The following LRRC1 variants were observed in gnomAD, a reference collection of about 807,000 sequenced individuals.
LRRC1 encodes leucine-rich repeat-containing protein 1.
LRRC1 carries 28 observed loss-of-function variants against 69.9 expected under a neutral mutation model. That is an observed-to-expected ratio of 0.40 (90% CI 0.30 to 0.55). The LOEUF is 0.55. Among genes scored for constraint, LRRC1 ranks in the 20% least tolerant of loss-of-function variants. The pLI is 0.47. For synonymous variants in LRRC1, 236 were observed against 240.2 expected (o/e 0.98, Z 0.16); for missense variants, 498 against 609.0 (o/e 0.82, Z 1.92).
chr6:53,836,531 A>G (rs915737518), intron 1 of LRRC1, among the ~76,000 whole-genome samples: 1 of 152,124 alleles, frequency 6.6e-6, no homozygotes, highest in Non-Finnish European at 1.5e-5. Flanking sequence ...TCTAGATCTA[A>G]TGCCATTGCT....
rs1766801831 is a variant in LRRC1 at position 53,869,172 on chromosome 6, C to T, written c.278-9821C>T. On this transcript the variant is annotated intron_variant, in intron 2 of 13. Transcript: ENST00000370888. ...GAGAGACCATTTAAGAGGCTATTGT[C>T]ATCATCTGGTAGATTGAGGCCTGAA... is the stretch of plus-strand genomic sequence containing the variant. 1.3e-5 allele frequency among the ~76,000 whole-genome samples: 2 copies of T among 152,046 alleles called. 1 individual carries two copies. Among genetic ancestry groups the T allele is most frequent in the South Asian group, 4.1e-4 (2 of 4,832 alleles).
At chr6:53,892,843 T>G (rs1767747906) in intron 4 of LRRC1, among the ~76,000 whole-genome samples, 1 of 152,216 alleles carries the variant, frequency 6.6e-6, no homozygotes, top group Non-Finnish European at 1.5e-5. Flanking sequence ...AAACCCATAG[T>G]TTCATTCTAG....
Position 53,886,289 on chromosome 6 carries a change from A to ACAT in LRRC1, c.446+3316_446+3318dup, listed in dbSNP as rs201686129. Among the ~76,000 whole-genome samples the ACAT allele has an allele frequency of 4.6e-3, 694 of 152,324 alleles. 8 individuals carry two copies. The highest frequency in any genetic ancestry group is 0.041 in the East Asian group (213 of 5,178). Reference sequence around the variant, plus strand: ...CTGTGGCATATTTCTGATCAGAAAAACATCAAACTTCCAAGCAAAAACCCA... The same window carrying ACAT: ...CTGTGGCATATTTCTGATCAGAAAAACATCATCAAACTTCCAAGCAAAAACCCA... On this transcript the variant is annotated intron_variant, in intron 4 of 13. Coordinates refer to ENST00000370888, the MANE Select transcript of LRRC1 (RefSeq NM_018214.5).
At chr6:53,826,944 C>T (rs1008296426) in intron 1 of LRRC1, among the ~76,000 whole-genome samples, 1 of 152,094 alleles carries the variant, frequency 6.6e-6, no homozygotes, top group African/African-American at 2.4e-5. Flanking sequence ...GCCCAACTTG[C>T]ATAAGGTATA....
chr6:53,825,368 G>A lies in LRRC1; in HGVS notation c.160-16742G>A, dbSNP rs560354184. ...ACCTTAAAGATGTAATTGTGTAAGA[G>A]CCTGCTAATGTGGGCAGTGGTCAGT... On this transcript the variant is annotated intron_variant, in intron 1 of 13. Transcript: ENST00000370888. Among the ~76,000 whole-genome samples the A allele has an allele frequency of 1.4e-4, 21 of 152,292 alleles. No individual in the cohort carries two copies. In the South Asian group the frequency reaches 4.1e-3, roughly 30 times the overall value.
At chr6:53,871,366 T>A (rs1250854632) in intron 2 of LRRC1, among the ~76,000 whole-genome samples, 2 of 152,220 alleles carry the variant, frequency 1.3e-5, no homozygotes, top group Non-Finnish European at 2.9e-5. Flanking sequence ...GTGGTTTTGA[T>A]TTGCATTTCC....
At chr6:53,847,861 G>A (rs190631319) in intron 2 of LRRC1, among the ~76,000 whole-genome samples, 3 of 152,314 alleles carry the variant, frequency 2.0e-5, no homozygotes, top group Non-Finnish European at 2.9e-5. Flanking sequence ...GTGCCTAAAA[G>A]TCCTCCTACT....
intron 7 of LRRC1, among the ~76,000 whole-genome samples, chr6:53,897,915 C>T (rs1368876815): frequency 2.6e-5 from 4 of 152,172 alleles, no homozygotes; most frequent in Admixed American, 2.6e-4. Flanking sequence ...CTTCTGAGCA[C>T]ATAGTCATCT....
intron 10 of LRRC1, chr6:53,905,333 C>CAAAAAAAAAAAAAAAAA (rs748526111): frequency 1.4e-5 from 1 of 71,266 alleles, no homozygotes; most frequent in Non-Finnish European, 2.8e-5. Context: ...GACTCTATCT[C>CAAAAAAAAAAAAAAAAA]AAAAAAAAAA....
intron 1 of LRRC1, among the ~76,000 whole-genome samples, chr6:53,816,100 C>T (rs1004680739): frequency 4.6e-5 from 7 of 152,142 alleles, no homozygotes; most frequent in African/African-American, 1.7e-4. Context: ...TTGGCAAACG[C>T]ATGAAGGTGT....
At chr6:53,832,672 G>T (rs1030920755) in intron 1 of LRRC1, among the ~76,000 whole-genome samples, 18 of 152,026 alleles carry the variant, frequency 1.2e-4, no homozygotes, top group Middle Eastern at 6.8e-3. Context: ...TGATACATTT[G>T]GTTAAAATGT....
Position 53,919,493 on chromosome 6 carries a change from AAC to A in LRRC1, c.1107-3_1107-2del, listed in dbSNP as rs1554187414. On this transcript the variant is annotated splice_polypyrimidine_tract_variant and splice_region_variant and intron_variant, in intron 11 of 13. Transcript: ENST00000370888. ...CTCTTTTTTTAAAAAAAAAAAAAAAAACAGGTTGCTGCATCTACCTTTATCCC... is the reference window on the plus strand; with the variant it reads ...CTCTTTTTTTAAAAAAAAAAAAAAAAAGGTTGCTGCATCTACCTTTATCCC... 2.0e-6 allele frequency: 3 copies of A among 1,530,342 alleles called. No homozygotes were observed. Among genetic ancestry groups the A allele is most frequent in the East Asian group, 2.4e-5 (1 of 42,260 alleles). 94.8% of individuals were successfully genotyped at this position (1,530,342 alleles called of 1,614,324 possible). A position where few individuals can be genotyped will look rare whatever the true frequency, so the allele number is the denominator to read the frequency against.
Position 53,896,688 on chromosome 6 carries a change from TAAC to T in LRRC1, c.503+137_504-136del, listed in dbSNP as rs979984079. 6 of 1,008,178 alleles carry T rather than the reference TAAC, an allele frequency of 6.0e-6. No homozygotes were observed. In the African/African-American group the frequency reaches 8.1e-5, roughly 14 times the overall value. The allele number at this position is 1,008,178 out of a possible 1,614,324, so 62.5% of individuals were successfully genotyped here. A position where few individuals can be genotyped will look rare whatever the true frequency, so the allele number is the denominator to read the frequency against. ...TGGGGGATGCCAGCCGGCCTTTTCT[TAAC>T]AATCCTTCCTGTGCAATATTTTCTA... On this transcript the variant is annotated intron_variant, in intron 5 of 13. Transcript: ENST00000370888.
At chr6:53,842,334 T>C (rs761029719) in intron 2 of LRRC1, 107 bp downstream of exon 2, 117 of 705,916 alleles carry the variant, frequency 1.7e-4, no homozygotes, top group Non-Finnish European at 2.5e-4. Flanking sequence ...TTTTTTGTCC[T>C]TGTGATAGTT....
At chr6:53,870,619 T>C (rs572462595) in intron 2 of LRRC1, among the ~76,000 whole-genome samples, 1 of 152,318 alleles carries the variant, frequency 6.6e-6, no homozygotes, top group South Asian at 2.1e-4. Context: ...GACCTCAACA[T>C]TTATAATTTC....
intron 13 of LRRC1, 123 bp downstream of exon 13, chr6:53,920,884 A>G: frequency 8.8e-7 from 1 of 1,137,410 alleles, no homozygotes; most frequent in Non-Finnish European, 1.2e-6. Flanking sequence ...AGCATTTAGG[A>G]ATTTTTTTAG....
intron 4 of LRRC1, among the ~76,000 whole-genome samples, chr6:53,887,679 T>C (rs1047549919): frequency 1.3e-5 from 2 of 152,222 alleles, no homozygotes; most frequent in Non-Finnish European, 2.9e-5. Flanking sequence ...CTTTACTGCA[T>C]GCTTCTCATA....
At chr6:53,796,921 C>A (rs1156535612) in intron 1 of LRRC1, among the ~76,000 whole-genome samples, 2 of 152,102 alleles carry the variant, frequency 1.3e-5, no homozygotes, top group Non-Finnish European at 2.9e-5. Context: ...AGTGATATCA[C>A]CAGGAATATA....
chr6:53,856,060 G>A (rs1388536262), intron 2 of LRRC1, among the ~76,000 whole-genome samples: 2 of 152,122 alleles, frequency 1.3e-5, no homozygotes, highest in East Asian at 3.9e-4. Flanking sequence ...CAACTGTTCT[G>A]TCCTTCCTTA....
Sources: gnomAD v4.1 joint callset for allele counts (sites outside exome capture counted in the v4.1 genomes callset) on GRCh38, gnomAD v4.1.1 for gene constraint, MANE v1.5 for transcripts, NCBI Gene and HGNC (gene_info 2026-07-23, HGNC 2026-07-21) for gene names.